Variants in TBCK observed in about 807,000 individuals in gnomAD.
The protein encoded by TBCK is TBC domain-containing protein kinase-like protein.
In TBCK, 99 loss-of-function variants were observed where a neutral mutation model predicts 113.4. That is an observed-to-expected ratio of 0.87 (90% CI 0.74 to 1.03). The LOEUF is 1.03. Ranked by LOEUF, TBCK falls within the 50% of genes least tolerant of loss-of-function variation. TBCK has a pLI of 0.00. For synonymous variants in TBCK, 369 were observed against 370.8 expected, an observed-to-expected ratio of 1.00 and a Z score of 0.05; for missense variants, 1,045 against 1,061.3, an observed-to-expected ratio of 0.98 and a Z score of 0.21.
chr4:106,121,545 C>T (rs1198292068), intron 23 of TBCK, among the ~76,000 whole-genome samples: 1 of 151,840 alleles, frequency 6.6e-6, no homozygotes, highest in Non-Finnish European at 1.5e-5. Flanking sequence ...CTACAGAACT[C>T]TCCACCCTAA....
chr4:106,308,949 CA>C lies in TBCK; in HGVS notation c.11del (p.Leu4ArgfsTer36). On this transcript the variant is annotated frameshift_variant, in exon 2 of 26. Coordinates refer to ENST00000394708, the MANE Select transcript of TBCK (RefSeq NM_001163435.3). LOFTEE classifies it high-confidence loss of function. MFPLKDAEMGAFTF... is the reference protein window; with the variant it reads MFPXKDAEMGAFTF... The stretch of plus-strand genomic sequence containing the variant: ...TAAAGGCTCCCATTTCAGCGTCCTT[CA>C]GGGGAAACATTTTTGGAGTCCTAGG... 4 of 1,613,584 alleles carry C rather than the reference CA, an allele frequency of 2.5e-6. No individual in the cohort carries two copies. Among genetic ancestry groups the C allele is most frequent in the African/African-American group, 1.3e-5 (1 of 74,972 alleles).
chr4:106,293,088 G>A (rs904387051), intron 3 of TBCK, among the ~76,000 whole-genome samples: 3 of 152,194 alleles, frequency 2.0e-5, no homozygotes, highest in Non-Finnish European at 4.4e-5. Context: ...TGAATGGGAA[G>A]GAATAGATCC....
intron 25 of TBCK, among the ~76,000 whole-genome samples, chr4:106,092,550 G>A (rs1247703141): frequency 6.6e-6 from 1 of 152,232 alleles, no homozygotes; most frequent in Non-Finnish European, 1.5e-5. Flanking sequence ...TGCCCTGCGG[G>A]CAGGCAGCTA....
At chr4:106,155,139 G>A (rs1426331439) in intron 23 of TBCK, among the ~76,000 whole-genome samples, 1 of 147,200 alleles carries the variant, frequency 6.8e-6, no homozygotes, top group African/African-American at 2.5e-5. Flanking sequence ...ACTATTCTAG[G>A]GTAAAATTTT....
chr4:106,099,024 T>C (rs1741250357), intron 24 of TBCK, among the ~76,000 whole-genome samples: 1 of 152,116 alleles, frequency 6.6e-6, no homozygotes, highest in Admixed American at 6.5e-5. Context: ...ATGATGTATA[T>C]TATCTTCTAG....
intron 20 of TBCK, among the ~76,000 whole-genome samples, chr4:106,210,894 T>C (rs1756052312): frequency 6.6e-6 from 1 of 152,216 alleles, no homozygotes; most frequent in Admixed American, 6.5e-5. Flanking sequence ...CCTTGTGTGT[T>C]TCCTTTCTTA....
chr4:106,203,269 C>T (rs1009053168), intron 20 of TBCK, among the ~76,000 whole-genome samples: 9 of 88,424 alleles, frequency 1.0e-4, no homozygotes, highest in Non-Finnish European at 2.3e-5. Flanking sequence ...GACATATACA[C>T]ATATATATTT....
chr4:106,206,266 T>C (rs1165693801), intron 20 of TBCK, among the ~76,000 whole-genome samples: 7 of 152,172 alleles, frequency 4.6e-5, no homozygotes, highest in Non-Finnish European at 1.0e-4. Context: ...ATTTACTGAA[T>C]TGGAAAACTT....
chr4:106,300,186 G>A (rs797006732), intron 2 of TBCK, among the ~76,000 whole-genome samples: 4 of 152,300 alleles, frequency 2.6e-5, no homozygotes, highest in African/African-American at 9.6e-5. Flanking sequence ...CTTCCACCAT[G>A]AATGTGAGGC....
intron 22 of TBCK, among the ~76,000 whole-genome samples, chr4:106,181,199 A>AT (rs1752335949): frequency 6.6e-6 from 1 of 152,084 alleles, no homozygotes; most frequent in Non-Finnish European, 1.5e-5. Flanking sequence ...TCCTTTGCCC[A>AT]TTTTTTGATG....
At chr4:106,274,147 G>T (rs962178710) in intron 3 of TBCK, among the ~76,000 whole-genome samples, 4 of 152,180 alleles carry the variant, frequency 2.6e-5, no homozygotes, top group Non-Finnish European at 4.4e-5. Flanking sequence ...GAAAACTACA[G>T]TGAGATACTA....
chr4:106,250,589 T>C (rs1466384989), intron 6 of TBCK, 111 bp from the exon 7 acceptor site: 1 of 581,526 alleles, frequency 1.7e-6, no homozygotes, highest in East Asian at 3.1e-5. Context: ...TTTATTTATC[T>C]CCAAAAGTTT....
At chr4:106,233,727 A>C (rs558283819) in intron 15 of TBCK, 77 bp from the exon 16 acceptor site, 1 of 1,208,294 alleles carries the variant, frequency 8.3e-7, no homozygotes, top group East Asian at 2.6e-5. Flanking sequence ...TCTATTTTTT[A>C]CAAATATCTA....
intron 25 of TBCK, among the ~76,000 whole-genome samples, chr4:106,061,667 A>AGTGTGTGT (rs61139916): frequency 4.0e-5 from 6 of 148,314 alleles, no homozygotes; most frequent in African/African-American, 1.5e-4. Context: ...TGTTTCTGTG[A>AGTGTGTGT]GTGTGTGTGT....
intron 19 of TBCK, among the ~76,000 whole-genome samples, chr4:106,216,286 C>G (rs1379555054): frequency 4.0e-5 from 6 of 150,984 alleles, no homozygotes; most frequent in Non-Finnish European, 8.9e-5. Context: ...AATTGACACC[C>G]TAACATCACA....
At chr4:106,197,403 G>GTATATATATATATA (rs1482373580) in intron 20 of TBCK, among the ~76,000 whole-genome samples, 3 of 110,926 alleles carry the variant, frequency 2.7e-5, no homozygotes, top group African/African-American at 8.7e-5. Context: ...GTGTGTGTGT[G>GTATATATATATATA]TGTGTGTGTA....
At chr4:106,228,025 A>G (rs1185515393) in intron 19 of TBCK, among the ~76,000 whole-genome samples, 2 of 152,036 alleles carry the variant, frequency 1.3e-5, no homozygotes, top group Non-Finnish European at 2.9e-5. Context: ...TACACAACTT[A>G]AATAATAAGT....
rs146533195 is a variant in TBCK, at chr4:106,200,427, C to T, written c.1861-5673G>A. Among the ~76,000 whole-genome samples the T allele has an allele frequency of 1.3e-4, 20 of 152,206 alleles. No individual in the cohort carries two copies. The East Asian group carries it at 3.7e-3, about 28-fold the overall frequency. On this transcript the variant is annotated intron_variant, in intron 20 of 25. Coordinates refer to ENST00000394708, the MANE Select transcript of TBCK (RefSeq NM_001163435.3). ...TGGTGGCGCATGCCTGTGGTCCCAG[C>T]TACTTGGGAGGCTGAGGAGGGAGGA... is the stretch of plus-strand genomic sequence containing the variant.
At chr4:106,237,254 T>C (rs1759578691) in intron 12 of TBCK, among the ~76,000 whole-genome samples, 1 of 152,086 alleles carries the variant, frequency 6.6e-6, no homozygotes, top group Non-Finnish European at 1.5e-5. Flanking sequence ...AGAAAGGTGC[T>C]AGAAAAAGGA....
Sources: gnomAD v4.1 joint callset for allele counts (sites outside exome capture counted in the v4.1 genomes callset) on GRCh38, gnomAD v4.1.1 for gene constraint, MANE v1.5 for transcripts, NCBI Gene and HGNC (gene_info 2026-07-23, HGNC 2026-07-21) for gene names.